The following SV2C variants were observed in gnomAD, a reference collection of about 807,000 sequenced individuals.
The protein encoded by SV2C is solute carrier family 22 member B3.
Under a neutral mutation model 79.7 loss-of-function variants are expected in SV2C, and 49 were observed. The observed-to-expected ratio is 0.61, with a 90% CI of 0.49 to 0.78. The LOEUF (loss-of-function observed/expected upper bound fraction) is 0.78, where lower values mean the gene tolerates loss of function less well. SV2C is among the 30% of genes least tolerant of loss of function. The pLI is 0.00. For synonymous variants in SV2C, 334 were observed against 333.2 expected (o/e 1.00, Z -0.03); for missense variants, 833 against 912.9 (o/e 0.91, Z 1.13).
chr5:75,901,116 C>A, the SV2C span, among the ~76,000 whole-genome samples: 13 of 152,196 alleles, frequency 8.5e-5, no homozygotes, highest in South Asian at 6.2e-4. Context: ...AGCTTTGTTC[C>A]ATTGCTGGTG....
chr5:76,071,077 A>G, the SV2C span, among the ~76,000 whole-genome samples: 3 of 152,196 alleles, frequency 2.0e-5, no homozygotes, highest in African/African-American at 7.2e-5. Context: ...AAGGAGGTGG[A>G]AAAAGGGTAG....
the SV2C span, among the ~76,000 whole-genome samples, chr5:75,970,227 A>T: frequency 5.3e-5 from 8 of 152,126 alleles, no homozygotes; most frequent in African/African-American, 1.9e-4. Flanking sequence ...AGCAGGAAAG[A>T]TCTAAAATTG....
intron 2 of SV2C, among the ~76,000 whole-genome samples, chr5:76,162,267 G>C (rs12657276): frequency 0.55 from 83,978 of 151,952 alleles, 24,701 homozygotes; most frequent in East Asian, 0.91. Flanking sequence ...TTTTTTCCCT[G>C]AAATGTTCAA....
At chr5:75,917,845 G>C in the SV2C span, among the ~76,000 whole-genome samples, 1 of 152,066 alleles carries the variant, frequency 6.6e-6, no homozygotes, top group Non-Finnish European at 1.5e-5. Context: ...GTTACTCAAA[G>C]GATAAATGCT....
intron 3 of SV2C, 89 bp from the exon 4 acceptor site, chr5:76,209,647 G>A (rs965438459): frequency 3.9e-5 from 50 of 1,292,496 alleles, no homozygotes; most frequent in Non-Finnish European, 4.9e-5. Context: ...GAAAGCATGT[G>A]TTGTTAGAGT....
the SV2C span, among the ~76,000 whole-genome samples, chr5:75,882,928 C>T: frequency 6.6e-5 from 10 of 151,518 alleles, no homozygotes; most frequent in Admixed American, 3.3e-4. Flanking sequence ...AGAAAATTTT[C>T]GCAACCTACT....
chr5:76,277,051 A>G lies in SV2C; in HGVS notation c.914-8111A>G, dbSNP rs920823144. On this transcript the variant is annotated intron_variant, in intron 4 of 12. Coordinates refer to ENST00000502798, the MANE Select transcript of SV2C (RefSeq NM_014979.4). ...ACACAAATTAAAATTGTGATGAGATACCACTAGATACCTATAAGAAAGGCT... is the reference window on the plus strand; with the variant it reads ...ACACAAATTAAAATTGTGATGAGATGCCACTAGATACCTATAAGAAAGGCT... Among the ~76,000 whole-genome samples the G allele has an allele frequency of 2.0e-5, 3 of 152,250 alleles. No individual in the cohort carries two copies. The South Asian group carries it at 6.2e-4, about 31-fold the overall frequency.
At chr5:75,925,242 A>G in the SV2C span, among the ~76,000 whole-genome samples, 1 of 152,106 alleles carries the variant, frequency 6.6e-6, no homozygotes, top group East Asian at 1.9e-4. Flanking sequence ...CTTCTGTGCC[A>G]TCAGGCTCAG....
rs769977023 is a variant in SV2C at position 76,301,377 on chromosome 5, T to G, written c.1841-9T>G. The G allele has an allele frequency of 6.2e-7, 1 of 1,613,612 alleles. No homozygotes were observed. The highest frequency in any genetic ancestry group is 8.5e-7 in the Non-Finnish European group (1 of 1,179,872). ...AAACATTCCAGCCTTTTGTCTGCAT[T>G]GTTGGCAGGTGGCTCTATGGTGCTT... On this transcript the variant is annotated splice_polypyrimidine_tract_variant and intron_variant, in intron 11 of 12. Coordinates refer to ENST00000502798, the MANE Select transcript of SV2C (RefSeq NM_014979.4).
intron 2 of SV2C, among the ~76,000 whole-genome samples, chr5:76,187,220 A>G (rs1479977776): frequency 1.3e-5 from 2 of 152,246 alleles, no homozygotes; most frequent in Non-Finnish European, 2.9e-5. Flanking sequence ...TCTGATGGGC[A>G]TGCTGTACAA....
At chr5:76,274,070 T>C (rs1746953514) in intron 4 of SV2C, among the ~76,000 whole-genome samples, 1 of 152,256 alleles carries the variant, frequency 6.6e-6, no homozygotes, top group Admixed American at 6.5e-5. Context: ...TTGTCAGTGT[T>C]TAGATTTGTC....
chr5:76,342,044 A>ACAAAAGCAGCCTG (rs1283005602), intron 12 of SV2C, among the ~76,000 whole-genome samples: 7 of 152,164 alleles, frequency 4.6e-5, no homozygotes, highest in Admixed American at 6.5e-5. Flanking sequence ...TCTGCTTCCC[A>ACAAAAGCAGCCTG]CAAAAGCAGC....
chr5:75,906,641 C>T, the SV2C span, among the ~76,000 whole-genome samples: 1 of 152,160 alleles, frequency 6.6e-6, no homozygotes, highest in Non-Finnish European at 1.5e-5. Context: ...AGGTCTCTTT[C>T]TCCACATCTC....
chr5:75,938,092 C>G, the SV2C span, among the ~76,000 whole-genome samples: 1 of 152,176 alleles, frequency 6.6e-6, no homozygotes, highest in African/African-American at 2.4e-5. Context: ...TGATTGGTCT[C>G]TGACCATGAT....
chr5:76,272,152 G>A (rs968885838), intron 4 of SV2C, among the ~76,000 whole-genome samples: 1 of 152,158 alleles, frequency 6.6e-6, no homozygotes, highest in Non-Finnish European at 1.5e-5. Flanking sequence ...AGTTAGCAGA[G>A]GTATACAAGT....
the SV2C span, among the ~76,000 whole-genome samples, chr5:76,010,000 T>G: frequency 6.9e-3 from 1,017 of 147,794 alleles, 16 homozygotes; most frequent in African/African-American, 0.024. Context: ...TGTTTTTTTT[T>G]TTTTTTTTTT....
chr5:76,165,924 C>T (rs946765647), intron 2 of SV2C, among the ~76,000 whole-genome samples: 2 of 152,114 alleles, frequency 1.3e-5, no homozygotes, highest in Non-Finnish European at 1.5e-5. Flanking sequence ...TGCTCCAACC[C>T]AGACCAGGAG....
chr5:76,061,989 G>C, the SV2C span, among the ~76,000 whole-genome samples: 1 of 152,010 alleles, frequency 6.6e-6, no homozygotes, highest in African/African-American at 2.4e-5. Context: ...AATCAGGAAG[G>C]AGTGTTTAGC....
chr5:76,229,684 T>C (rs1477264377), intron 4 of SV2C, among the ~76,000 whole-genome samples: 1 of 152,234 alleles, frequency 6.6e-6, no homozygotes, highest in African/African-American at 2.4e-5. Flanking sequence ...AGGACATATA[T>C]GTGGACAATG....
Sources: allele counts gnomAD v4.1 joint callset (sites outside exome capture counted in the v4.1 genomes callset), GRCh38; gene constraint gnomAD v4.1.1; transcripts MANE v1.5; gene names NCBI Gene and HGNC (gene_info 2026-07-23, HGNC 2026-07-21).